Variants in GNA14 observed in about 807,000 individuals in gnomAD.
GNA14 encodes guanine nucleotide-binding protein subunit alpha-14.
In GNA14, 50 loss-of-function variants were observed where a neutral mutation model predicts 42.0. That is an observed-to-expected ratio of 1.19 (90% CI 0.95 to 1.51). The LOEUF is 1.51. Among genes scored for constraint, GNA14 ranks in the 40% most tolerant of loss-of-function variants. The pLI is 0.00. For synonymous variants in GNA14, 173 were observed against 163.1 expected, an observed-to-expected ratio of 1.06 and a Z score of -0.46; for missense variants, 473 against 446.2, an observed-to-expected ratio of 1.06 and a Z score of -0.54.
At chr9:77,492,061 T>G (rs932652537) in intron 2 of GNA14, among the ~76,000 whole-genome samples, 1 of 151,946 alleles carries the variant, frequency 6.6e-6, no homozygotes, top group East Asian at 1.9e-4. Context: ...GAATGACCAA[T>G]GGGTCAATGA....
At chr9:77,444,363 A>T (rs899767641) in intron 2 of GNA14, among the ~76,000 whole-genome samples, 4 of 152,060 alleles carry the variant, frequency 2.6e-5, no homozygotes, top group Non-Finnish European at 5.9e-5. Flanking sequence ...TCTCCACATC[A>T]TGGGTCAGCT....
intron 2 of GNA14, among the ~76,000 whole-genome samples, chr9:77,471,487 G>T (rs1230767459): frequency 6.6e-6 from 1 of 152,120 alleles, no homozygotes; most frequent in African/African-American, 2.4e-5. Context: ...AAGGAAGCAT[G>T]GGAGAGGAAG....
At chr9:77,619,288 C>T (rs928205082) in intron 1 of GNA14, among the ~76,000 whole-genome samples, 1 of 152,110 alleles carries the variant, frequency 6.6e-6, no homozygotes, top group African/African-American at 2.4e-5. Context: ...TTCACTGCAA[C>T]CTCCGCCTCC....
intron 1 of GNA14, among the ~76,000 whole-genome samples, chr9:77,615,441 A>G (rs17063807): frequency 0.33 from 49,876 of 151,810 alleles, 11,117 homozygotes; most frequent in African/African-American, 0.64. Flanking sequence ...TCACCTCCAG[A>G]AAAACTTGTT....
At chr9:77,477,135 T>G (rs1013707048) in intron 2 of GNA14, among the ~76,000 whole-genome samples, 1 of 152,252 alleles carries the variant, frequency 6.6e-6, no homozygotes, top group African/African-American at 2.4e-5. Context: ...GGCAGGTGGA[T>G]TGCTTGAGGC....
intron 1 of GNA14, among the ~76,000 whole-genome samples, chr9:77,546,453 G>A (rs1182350003): frequency 6.6e-6 from 1 of 152,006 alleles, no homozygotes; most frequent in South Asian, 2.1e-4. Context: ...CTCTGAAAGA[G>A]AAAAATTTCT....
At chr9:77,473,191 T>C (rs1347832753) in intron 2 of GNA14, among the ~76,000 whole-genome samples, 2 of 152,212 alleles carry the variant, frequency 1.3e-5, no homozygotes, top group South Asian at 2.1e-4. Context: ...GCACAATTGC[T>C]CATGCCTGTA....
chr9:77,646,581 T>C (rs990332580), intron 1 of GNA14, among the ~76,000 whole-genome samples: 2 of 152,176 alleles, frequency 1.3e-5, no homozygotes, highest in African/African-American at 4.8e-5. Context: ...TTTCTTTCCT[T>C]GAAGCTTTCT....
intron 1 of GNA14, among the ~76,000 whole-genome samples, chr9:77,634,364 A>G (rs571927194): frequency 2.7e-4 from 41 of 149,660 alleles, no homozygotes; most frequent in African/African-American, 9.8e-4. Flanking sequence ...ACAGAAGTTG[A>G]TCACACCACT....
chr9:77,583,682 C>T (rs1459550688), intron 1 of GNA14, among the ~76,000 whole-genome samples: 1 of 152,108 alleles, frequency 6.6e-6, no homozygotes, highest in Non-Finnish European at 1.5e-5. Context: ...ACCGACTCCC[C>T]CACTCCAAAA....
At chr9:77,646,436 A>ACC (rs151127946) in intron 1 of GNA14, among the ~76,000 whole-genome samples, 72 of 145,414 alleles carry the variant, frequency 5.0e-4, no homozygotes, top group Non-Finnish European at 6.7e-4. Flanking sequence ...GGAGGGGCAC[A>ACC]CCCCCCCCCA....
intron 2 of GNA14, among the ~76,000 whole-genome samples, chr9:77,481,201 C>A (rs547576728): frequency 6.6e-6 from 1 of 152,002 alleles, no homozygotes; most frequent in African/African-American, 2.4e-5. Flanking sequence ...TATAAATTTC[C>A]CTCTACTCAC....
At chr9:77,447,117 C>T (rs1835832380) in intron 2 of GNA14, among the ~76,000 whole-genome samples, 1 of 152,096 alleles carries the variant, frequency 6.6e-6, no homozygotes, top group South Asian at 2.1e-4. Context: ...GCACACACCA[C>T]CACGCCGAGT....
intron 3 of GNA14, 110 bp from the exon 4 acceptor site, chr9:77,431,559 G>A (rs749641117): frequency 1.8e-5 from 16 of 911,484 alleles, no homozygotes; most frequent in East Asian, 9.9e-5. Context: ...ACAGACACAC[G>A]AATTCCATCA....
chr9:77,599,029 T>A lies in GNA14; in HGVS notation c.124+48641A>T, dbSNP rs546796342. On this transcript the variant is annotated intron_variant, in intron 1 of 6. Transcript: ENST00000341700. ...ACATCAGGGGAGACTGACATGTAAA[T>A]ATTTATTAAGCAATGTAAGAAATAT... 3.9e-5 allele frequency among the ~76,000 whole-genome samples: 6 copies of A among 152,308 alleles called. No individual in the cohort carries two copies. In the East Asian group the frequency reaches 1.2e-3, roughly 29 times the overall value.
At chr9:77,536,110 A>AT (rs1837594280) in intron 1 of GNA14, among the ~76,000 whole-genome samples, 1 of 152,062 alleles carries the variant, frequency 6.6e-6, no homozygotes, top group South Asian at 2.1e-4. Context: ...AGGAGGTGCT[A>AT]TTTTTCACCA....
chr9:77,645,682 C>A (rs982116961), intron 1 of GNA14, among the ~76,000 whole-genome samples: 2 of 152,170 alleles, frequency 1.3e-5, no homozygotes, highest in Non-Finnish European at 2.9e-5. Flanking sequence ...ACAAACATTT[C>A]TCCCCTAGTT....
At chr9:77,483,039 C>G (rs1043166540) in intron 2 of GNA14, among the ~76,000 whole-genome samples, 3 of 152,150 alleles carry the variant, frequency 2.0e-5, no homozygotes, top group African/African-American at 7.2e-5. Flanking sequence ...TCGTCTGAAG[C>G]CTTCTTCTCT....
At chr9:77,429,088 G>A in intron 4 of GNA14, 52 bp from the exon 5 acceptor site, 1 of 1,577,344 alleles carries the variant, frequency 6.3e-7, no homozygotes, top group Non-Finnish European at 8.7e-7. Context: ...TGACACTTCG[G>A]GGAAAAAGGA....
Sources: gnomAD v4.1 joint callset for allele counts (sites outside exome capture counted in the v4.1 genomes callset) on GRCh38, gnomAD v4.1.1 for gene constraint, MANE v1.5 for transcripts, NCBI Gene and HGNC (gene_info 2026-07-23, HGNC 2026-07-21) for gene names.